PARD3: variants seen among roughly 807,000 people sequenced by gnomAD.
The protein encoded by PARD3 is par-3 family cell polarity regulator.
In PARD3, 75 loss-of-function variants were observed where a neutral mutation model predicts 155.4. That is an observed-to-expected ratio of 0.48 (90% CI 0.40 to 0.58). The LOEUF is 0.58. Ranked by LOEUF, PARD3 falls within the 20% of genes least tolerant of loss-of-function variation. PARD3 has a pLI of 0.00. For missense variants in PARD3, 1,642 were observed against 1,721.7 expected, an observed-to-expected ratio of 0.95 and a Z score of 0.82; for synonymous variants, 576 against 610.5, an observed-to-expected ratio of 0.94 and a Z score of 0.83.
chr10:34,412,740 A>T (rs1411800906), intron 5 of PARD3, among the ~76,000 whole-genome samples: 1 of 152,202 alleles, frequency 6.6e-6, no homozygotes, highest in Admixed American at 6.5e-5. Context: ...ATATAATTAA[A>T]TCCGGGATTC....
chr10:34,769,801 A>C (rs1305971951), intron 1 of PARD3, among the ~76,000 whole-genome samples: 6 of 67,130 alleles, frequency 8.9e-5, no homozygotes, highest in African/African-American at 2.8e-4. Context: ...CAAAAAAACA[A>C]AACAAAAAAA....
At chr10:34,324,216 G>A (rs1251479786) in intron 19 of PARD3, among the ~76,000 whole-genome samples, 2 of 152,154 alleles carry the variant, frequency 1.3e-5, no homozygotes. Context: ...CTTTGCTTTT[G>A]TGTGTGTGAG....
chr10:34,371,534 A>G (rs1478857206), intron 12 of PARD3, among the ~76,000 whole-genome samples: 1 of 50,310 alleles, frequency 2.0e-5, no homozygotes, highest in Non-Finnish European at 3.4e-5. Flanking sequence ...AAAAAAAAAC[A>G]ACGAAGGAAT....
At chr10:34,302,814 G>T (rs758648519) in intron 20 of PARD3, among the ~76,000 whole-genome samples, 3 of 152,162 alleles carry the variant, frequency 2.0e-5, no homozygotes, top group Non-Finnish European at 4.4e-5. Flanking sequence ...GAAGAAGGCA[G>T]ATGGCTTCTA....
At chr10:34,417,994 A>C (rs562739256) in intron 5 of PARD3, among the ~76,000 whole-genome samples, 4 of 152,296 alleles carry the variant, frequency 2.6e-5, no homozygotes, top group South Asian at 2.1e-4. Flanking sequence ...CATAAAAATA[A>C]ATCTATTTCA....
intron 12 of PARD3, among the ~76,000 whole-genome samples, chr10:34,360,696 A>G (rs1302581856): frequency 1.3e-5 from 2 of 152,212 alleles, no homozygotes; most frequent in African/African-American, 4.8e-5. Context: ...AATGTTCACT[A>G]ATGGTGTTTA....
chr10:34,814,013 G>C (rs1290915827), intron 1 of PARD3, among the ~76,000 whole-genome samples: 1 of 152,184 alleles, frequency 6.6e-6, no homozygotes, highest in Admixed American at 6.5e-5. Flanking sequence ...AATGTTATCA[G>C]TCCACCAGGA....
At chr10:34,679,974 C>T (rs982521528) in intron 2 of PARD3, among the ~76,000 whole-genome samples, 1 of 152,146 alleles carries the variant, frequency 6.6e-6, no homozygotes, top group Non-Finnish European at 1.5e-5. Context: ...AAATTACCTT[C>T]TGTGTACAAT....
At chr10:34,321,066 A>G (rs1184177818) in intron 19 of PARD3, among the ~76,000 whole-genome samples, 1 of 152,212 alleles carries the variant, frequency 6.6e-6, no homozygotes, top group Non-Finnish European at 1.5e-5. Flanking sequence ...TAGTTTCAAA[A>G]GCTCAAATAA....
At chr10:34,252,718 A>C (rs991268389) in intron 22 of PARD3, among the ~76,000 whole-genome samples, 4 of 151,812 alleles carry the variant, frequency 2.6e-5, no homozygotes, top group African/African-American at 9.7e-5. Context: ...GTGTGTGTAT[A>C]TATATAACTT....
intron 20 of PARD3, among the ~76,000 whole-genome samples, chr10:34,310,800 C>T (rs1957660821): frequency 6.6e-6 from 1 of 152,156 alleles, no homozygotes; most frequent in African/African-American, 2.4e-5. Context: ...ACATTAAGTC[C>T]TTAGGATTTA....
At chr10:34,136,899 T>A (rs984179791) in intron 22 of PARD3, among the ~76,000 whole-genome samples, 4 of 152,190 alleles carry the variant, frequency 2.6e-5, no homozygotes, top group African/African-American at 9.7e-5. Context: ...GTATGGGCTT[T>A]TCTCTCTTAG....
At chr10:34,700,097 C>T (rs947441983) in intron 1 of PARD3, among the ~76,000 whole-genome samples, 3 of 152,088 alleles carry the variant, frequency 2.0e-5, no homozygotes, top group Non-Finnish European at 2.9e-5. Context: ...GTCCATCACA[C>T]ACAGCAATAA....
chr10:34,355,924 C>CAAAAAAAAAAAAAAAAAAAAAAAA (rs869284165), intron 14 of PARD3, among the ~76,000 whole-genome samples: 1 of 42,726 alleles, frequency 2.3e-5, no homozygotes, highest in Admixed American at 3.2e-4. Flanking sequence ...CACTCCGTCT[C>CAAAAAAAAAAAAAAAAAAAAAAAA]AAAAAAAAAA....
chr10:34,270,280 T>C (rs1448741200), intron 21 of PARD3, among the ~76,000 whole-genome samples: 1 of 151,930 alleles, frequency 6.6e-6, no homozygotes, highest in Non-Finnish European at 1.5e-5. Context: ...GTAGCAGGGA[T>C]TACACGTGTG....
intron 3 of PARD3, among the ~76,000 whole-genome samples, chr10:34,487,620 G>A (rs1364931332): frequency 6.6e-6 from 1 of 151,042 alleles, no homozygotes; most frequent in African/African-American, 2.5e-5. Context: ...TCCCTGGCTA[G>A]AAATCCCATC....
intron 2 of PARD3, among the ~76,000 whole-genome samples, chr10:34,585,786 T>C (rs983925130): frequency 6.6e-6 from 1 of 152,140 alleles, no homozygotes; most frequent in Admixed American, 6.6e-5. Context: ...GTATGTAAAA[T>C]GAGAGGAAGG....
intron 2 of PARD3, among the ~76,000 whole-genome samples, chr10:34,595,176 A>C (rs774238249): frequency 6.6e-6 from 1 of 152,244 alleles, no homozygotes; most frequent in Non-Finnish European, 1.5e-5. Flanking sequence ...TTCAGACTAC[A>C]GTTTGTGACA....
chr10:34,561,649 G>C (rs1486617068), intron 2 of PARD3, among the ~76,000 whole-genome samples: 1 of 151,934 alleles, frequency 6.6e-6, no homozygotes. Context: ...CTCCCGAGTA[G>C]CTGGGATTAC....
Sources: allele counts gnomAD v4.1 joint callset (sites outside exome capture counted in the v4.1 genomes callset), GRCh38; gene constraint gnomAD v4.1.1; transcripts MANE v1.5; gene names NCBI Gene and HGNC (gene_info 2026-07-23, HGNC 2026-07-21).